Variants in ZNF860 observed in about 807,000 individuals in gnomAD.
The protein encoded by ZNF860 is zinc finger protein 860.
For synonymous variants in ZNF860, 206 were observed against 248.9 expected (o/e 0.83, Z 1.62); for missense variants, 641 against 759.2 (o/e 0.84, Z 1.83).
rs1699030632 is a variant in ZNF860 at position 31,991,590 on chromosome 3, G to GA, written c.*613dup. The GA allele has an allele frequency of 6.0e-6, 1 of 166,582 alleles. No homozygotes were observed. The highest frequency in any genetic ancestry group is 2.4e-5 in the African/African-American group (1 of 41,368). The allele number at this position is 166,582 out of a possible 1,614,324, so 10.3% of individuals were successfully genotyped here. ...GGAAATTTAACTAATTTTTGGTACT[G>GA]ATATTGTATTCTGCAAATACACTGT... On this transcript the variant is annotated 3_prime_UTR_variant, in exon 2 of 2. Coordinates refer to ENST00000360311, the MANE Select transcript of ZNF860 (RefSeq NM_001137674.3).
At chr3:31,998,036 T>G in the ZNF860 span, among the ~76,000 whole-genome samples, 1 of 152,076 alleles carries the variant, frequency 6.6e-6, no homozygotes, top group South Asian at 2.1e-4. Flanking sequence ...CAAGCAGTCC[T>G]CCCGCCTCGG....
At chr3:31,999,364 T>C in the ZNF860 span, among the ~76,000 whole-genome samples, 9,258 of 149,894 alleles carry the variant, frequency 0.062, 518 homozygotes, top group East Asian at 0.31. Flanking sequence ...AAAATCTTTT[T>C]TTTTTTTTTT....
At chr3:32,006,080 G>A in the ZNF860 span, among the ~76,000 whole-genome samples, 4 of 152,014 alleles carry the variant, frequency 2.6e-5, no homozygotes, top group Admixed American at 6.6e-5. Context: ...AAGTAGCTGC[G>A]ATTACAGATG....
chr3:31,988,426 G>A (rs1698973179), intron 1 of ZNF860, among the ~76,000 whole-genome samples: 1 of 152,086 alleles, frequency 6.6e-6, no homozygotes, highest in African/African-American at 2.4e-5. Context: ...TGGCCAGAGG[G>A]TAGACTGTAG....
the ZNF860 span, among the ~76,000 whole-genome samples, chr3:31,999,843 G>A: frequency 9.2e-5 from 14 of 152,244 alleles, no homozygotes; most frequent in South Asian, 2.7e-3. Flanking sequence ...CTTTCAGTCA[G>A]AGTAATTTTA....
chr3:31,996,686 C>T (rs1278049089), downstream of ZNF860, among the ~76,000 whole-genome samples: 1 of 151,948 alleles, frequency 6.6e-6, no homozygotes, highest in African/African-American at 2.4e-5. Context: ...TTGGATCAAA[C>T]CTAATATTCA....
rs1239441979 is a variant in ZNF860 at position 31,990,929 on chromosome 3, C to T, written c.1850C>T (p.Thr617Ile). Reference protein sequence around the residue: ...SHRIRHQRIHTGQKSYKCHKR... With the variant: ...SHRIRHQRIHIGQKSYKCHKR... ...CGCATTAGACATCAGAGAATCCATA[C>T]CGGACAGAAATCTTACAAATGTCAT... Residue 617 changes from threonine (T) to isoleucine (I), a missense_variant, in exon 2 of 2, where the codon ACC becomes ATC. By Grantham distance (89) the Thr-to-Ile change is moderately conservative (BLOSUM62 -1). Transcript: ENST00000360311. 2 of 1,574,904 alleles carry T rather than the reference C, an allele frequency of 1.3e-6. No individual in the cohort carries two copies. The highest frequency in any genetic ancestry group is 1.4e-5 in the African/African-American group (1 of 73,982).
chr3:32,004,845 G>A, the ZNF860 span, among the ~76,000 whole-genome samples: 1 of 152,172 alleles, frequency 6.6e-6, no homozygotes, highest in Non-Finnish European at 1.5e-5. Context: ...TTTTACAGGT[G>A]CATAAAATTA....
chr3:31,990,903 T>C lies in ZNF860; in HGVS notation c.1824T>C (p.His608=), dbSNP rs1312594631. The change falls in exon 2 of 2, where the codon CAT becomes CAC. Residue 608 remains histidine, a synonymous_variant. Coordinates refer to ENST00000360311, the MANE Select transcript of ZNF860 (RefSeq NM_001137674.3). ...GCAAAGCCTTTACTTCACATTCACA[T>C]CGCATTAGACATCAGAGAATCCATA... ...DCGKAFTSHS[H]RIRHQRIHTG... is the part of the protein sequence containing the mutation. 1 of 1,575,382 alleles carries C rather than the reference T, an allele frequency of 6.3e-7. No homozygotes were observed. The highest frequency in any genetic ancestry group is 8.6e-7 in the Non-Finnish European group (1 of 1,159,194).
intron 1 of ZNF860, among the ~76,000 whole-genome samples, chr3:31,983,668 C>A (rs1698894052): frequency 6.6e-6 from 1 of 152,176 alleles, no homozygotes; most frequent in African/African-American, 2.4e-5. Flanking sequence ...GCTCTCTTCA[C>A]CCGGTTTGTG....
At chr3:31,997,945 G>A in the ZNF860 span, among the ~76,000 whole-genome samples, 585 of 152,038 alleles carry the variant, frequency 3.8e-3, 13 homozygotes, top group Admixed American at 0.033. Flanking sequence ...ATGCACCACC[G>A]TGCCCAGCTA....
chr3:31,991,863 TAA>T (rs34418500), downstream of ZNF860, among the ~76,000 whole-genome samples: 1,515 of 146,128 alleles, frequency 0.01, 26 homozygotes, highest in African/African-American at 0.035. Flanking sequence ...CAAGACAGGC[TAA>T]AAAAAAAAAA....
chr3:31,984,320 G>C (rs1449273445), intron 1 of ZNF860, among the ~76,000 whole-genome samples: 1 of 151,576 alleles, frequency 6.6e-6, no homozygotes, highest in Non-Finnish European at 1.5e-5. Flanking sequence ...GATTACAGGC[G>C]TGAGCCACCG....
At chr3:32,000,138 TCTTC>T in the ZNF860 span, among the ~76,000 whole-genome samples, 2 of 152,190 alleles carry the variant, frequency 1.3e-5, no homozygotes, top group African/African-American at 4.8e-5. Flanking sequence ...TTTGAGGCTG[TCTTC>T]CTCTACCTGG....
At chr3:31,993,832 A>T (rs1014222276), downstream of ZNF860, among the ~76,000 whole-genome samples, 6 of 152,190 alleles carry the variant, frequency 3.9e-5, no homozygotes, top group African/African-American at 4.8e-5. Context: ...AAAGTTAAAC[A>T]TACAATATGA....
At chr3:31,996,529 C>T (rs1324249828), downstream of ZNF860, among the ~76,000 whole-genome samples, 1 of 152,030 alleles carries the variant, frequency 6.6e-6, no homozygotes, top group Non-Finnish European at 1.5e-5. Context: ...GACCTTAAGG[C>T]TTTTATCTTC....
the ZNF860 span, among the ~76,000 whole-genome samples, chr3:32,000,119 C>T: frequency 6.6e-6 from 1 of 152,128 alleles, no homozygotes; most frequent in African/African-American, 2.4e-5. Context: ...GTCATACCAG[C>T]TTATTCTATT....
rs182040007 is a variant in ZNF860, at chr3:31,991,052, C to T, written c.*74C>T. ...TCCAAATGCAATGAGTATAGCAAAC[C>T]ATCAAGCATTAATTGACATTAGAGT... On this transcript the variant is annotated 3_prime_UTR_variant, in exon 2 of 2. Transcript: ENST00000360311. 8.0e-5 allele frequency: 109 copies of T among 1,368,622 alleles called. No individual in the cohort carries two copies. Among genetic ancestry groups the T allele is most frequent in the Admixed American group, 4.7e-4 (20 of 42,534 alleles). The allele number at this position is 1,368,622 out of a possible 1,614,324, so 84.8% of individuals were successfully genotyped here.
the ZNF860 span, among the ~76,000 whole-genome samples, chr3:31,999,819 T>C: frequency 1.3e-5 from 2 of 152,204 alleles, no homozygotes; most frequent in East Asian, 3.9e-4. Flanking sequence ...TGTTTTGTAC[T>C]GAAACTCTCT....
Sources: gnomAD v4.1 joint callset for allele counts (sites outside exome capture counted in the v4.1 genomes callset) on GRCh38, gnomAD v4.1.1 for gene constraint, MANE v1.5 for transcripts, NCBI Gene and HGNC (gene_info 2026-07-23, HGNC 2026-07-21) for gene names.